DCAF12: variants seen among roughly 807,000 people sequenced by gnomAD.
DCAF12 encodes DDB1 and CUL4 associated factor 12, also known as DDB1- and CUL4-associated factor 12.
In DCAF12, 28 loss-of-function variants were observed where a neutral mutation model predicts 52.8. That is an observed-to-expected ratio of 0.53 (90% confidence interval 0.39 to 0.73). The LOEUF (loss-of-function observed/expected upper bound fraction) is 0.73. DCAF12 is among the 30% of genes least tolerant of loss of function. The pLI, the probability that DCAF12 is intolerant of heterozygous loss-of-function variation, is 0.00. For missense variants in DCAF12, 425 were observed against 552.2 expected (o/e 0.77, Z 2.31); for synonymous variants, 196 against 215.5 (o/e 0.91, Z 0.79).
chr9:34,095,289 G>A (rs1828717739), intron 6 of DCAF12, among the ~76,000 whole-genome samples: 1 of 151,292 alleles, frequency 6.6e-6, no homozygotes, highest in Non-Finnish European at 1.5e-5. Context: ...TGGCCAGCAT[G>A]GTCTCAATCT....
At chr9:34,088,902 G>A (rs1828601369) in intron 8 of DCAF12, among the ~76,000 whole-genome samples, 1 of 151,990 alleles carries the variant, frequency 6.6e-6, no homozygotes, top group Non-Finnish European at 1.5e-5. Flanking sequence ...TTGAGCCCAG[G>A]AGTTTGAGAC....
At chr9:34,118,173 G>A (rs1048674680) in intron 2 of DCAF12, among the ~76,000 whole-genome samples, 4 of 151,724 alleles carry the variant, frequency 2.6e-5, no homozygotes, top group African/African-American at 9.7e-5. Context: ...TCACTCTGTC[G>A]CCCAGGCTGG....
intron 2 of DCAF12, among the ~76,000 whole-genome samples, chr9:34,118,165 A>G (rs1829116137): frequency 1.3e-5 from 2 of 151,746 alleles, no homozygotes; most frequent in African/African-American, 4.8e-5. Context: ...AGACAGACTC[A>G]CTCTGTCGCC....
At chr9:34,109,738 GC>G (rs1204180103) in intron 2 of DCAF12, 1 of 270,986 alleles carries the variant, frequency 3.7e-6, no homozygotes. Flanking sequence ...CATTGAGCTG[GC>G]CCTGGAAGCT....
intron 2 of DCAF12, among the ~76,000 whole-genome samples, chr9:34,112,975 C>T (rs1439855050): frequency 2.6e-5 from 4 of 152,150 alleles, no homozygotes; most frequent in East Asian, 1.9e-4. Context: ...AAATTAATTG[C>T]CCACTCACAT....
At chr9:34,118,801 T>TA (rs1829125910) in intron 2 of DCAF12, among the ~76,000 whole-genome samples, 1 of 151,948 alleles carries the variant, frequency 6.6e-6, no homozygotes, top group African/African-American at 2.4e-5. Flanking sequence ...CCATCTCTAC[T>TA]AAAAATACAA....
In DCAF12 at chr9:34,103,711, C is replaced by T. The variant is rs184196195; in HGVS notation, c.601+2723G>A. Reference sequence around the variant, plus strand: ...TCTATAAAAAATAGAAATAATTAACCGGGTGTGGTGGTGTGTGCCTGTAGT... The same window carrying T: ...TCTATAAAAAATAGAAATAATTAACTGGGTGTGGTGGTGTGTGCCTGTAGT... On this transcript the variant is annotated intron_variant, in intron 4 of 8. Coordinates refer to ENST00000361264, the MANE Select transcript of DCAF12 (RefSeq NM_015397.4). 5.3e-5 allele frequency among the ~76,000 whole-genome samples: 8 copies of T among 151,896 alleles called. No homozygotes were observed. In the East Asian group the frequency reaches 1.4e-3, roughly 26 times the overall value.
At chr9:34,090,837 T>C (rs1254638078) in intron 7 of DCAF12, among the ~76,000 whole-genome samples, 1 of 151,550 alleles carries the variant, frequency 6.6e-6, no homozygotes, top group Non-Finnish European at 1.5e-5. Flanking sequence ...TTTGTATTTT[T>C]AGTAGAGACA....
At chr9:34,122,039 A>G (rs1051863314) in intron 2 of DCAF12, among the ~76,000 whole-genome samples, 1 of 152,160 alleles carries the variant, frequency 6.6e-6, no homozygotes, top group African/African-American at 2.4e-5. Flanking sequence ...GCTCCCCCGC[A>G]GCAGTTCTTC....
chr9:34,096,866 G>C, intron 5 of DCAF12, 85 bp from the exon 6 acceptor site: 2 of 1,259,298 alleles, frequency 1.6e-6, no homozygotes, highest in Non-Finnish European at 2.3e-6. Context: ...CTAAGGTCAG[G>C]GTCCTTTATT....
At chr9:34,115,327 C>T in intron 2 of DCAF12, among the ~76,000 whole-genome samples, 1 of 151,780 alleles carries the variant, frequency 6.6e-6, no homozygotes, top group Non-Finnish European at 1.5e-5. Context: ...CGCGGTGGCT[C>T]ACACCTGTAA....
chr9:34,106,832 G>A (rs1031864292), intron 3 of DCAF12, among the ~76,000 whole-genome samples: 1 of 152,096 alleles, frequency 6.6e-6, no homozygotes, highest in Non-Finnish European at 1.5e-5. Context: ...AAGTCTCCCT[G>A]CTCAAGCGTC....
intron 6 of DCAF12, among the ~76,000 whole-genome samples, chr9:34,095,439 G>A (rs1828721635): frequency 1.4e-5 from 2 of 140,876 alleles, no homozygotes; most frequent in African/African-American, 5.3e-5. Flanking sequence ...GGAGTGCAGT[G>A]GCAAAATTAC....
intron 2 of DCAF12, among the ~76,000 whole-genome samples, chr9:34,111,555 T>TA (rs1564100135): frequency 6.6e-6 from 1 of 152,226 alleles, no homozygotes; most frequent in Non-Finnish European, 1.5e-5. Context: ...AGCAACTACT[T>TA]AAGCATTTAC....
intron 4 of DCAF12, among the ~76,000 whole-genome samples, chr9:34,105,079 C>A (rs1828884045): frequency 6.6e-6 from 1 of 151,120 alleles, no homozygotes; most frequent in South Asian, 2.1e-4. Context: ...ATGGTGAAAC[C>A]CCATCTCTAC....
chr9:34,126,067 T>G (rs975647022), intron 1 of DCAF12, among the ~76,000 whole-genome samples: 1 of 152,180 alleles, frequency 6.6e-6, no homozygotes. Context: ...CGGTTTCCCC[T>G]TCCTCCAAAG....
chr9:34,093,486 G>T (rs754352768), intron 6 of DCAF12, 38 bp from the exon 7 acceptor site: 1 of 1,608,454 alleles, frequency 6.2e-7, no homozygotes, highest in South Asian at 1.1e-5. Flanking sequence ...GGCATCAGCA[G>T]AGAGGGTAAG....
intron 8 of DCAF12, 48 bp downstream of exon 8, chr9:34,089,364 A>G: frequency 6.5e-7 from 1 of 1,534,614 alleles, no homozygotes; most frequent in Non-Finnish European, 8.8e-7. Context: ...GAGGAAGATA[A>G]TTTTTCTGTT....
intron 7 of DCAF12, chr9:34,089,806 A>C: frequency 4.7e-6 from 2 of 426,862 alleles, no homozygotes; most frequent in Middle Eastern, 6.2e-4. Context: ...CACTGACAGA[A>C]ACCATCCAAG....
Sources: gnomAD v4.1 joint callset for allele counts (sites outside exome capture counted in the v4.1 genomes callset) on GRCh38, gnomAD v4.1.1 for gene constraint, MANE v1.5 for transcripts, NCBI Gene and HGNC (gene_info 2026-07-23, HGNC 2026-07-21) for gene names.